ADH6: variants seen among roughly 807,000 people sequenced by gnomAD.
ADH6 encodes alcohol dehydrogenase 6.
Under a neutral mutation model 36.5 loss-of-function variants are expected in ADH6, and 34 were observed. The observed-to-expected ratio is 0.93, with a 90% CI of 0.71 to 1.24. ADH6 has a LOEUF of 1.24. ADH6 is among the 50% of genes most tolerant of loss of function. ADH6 has a pLI of 0.00. For synonymous variants in ADH6, 161 were observed against 155.5 expected, an observed-to-expected ratio of 1.04 and a Z score of -0.26; for missense variants, 440 against 447.0, an observed-to-expected ratio of 0.98 and a Z score of 0.14.
Position 99,204,972 on chromosome 4 carries a change from A to G in ADH6, c.1056T>C (p.Asn352=). 6.2e-7 allele frequency: 1 copy of G among 1,610,026 alleles called. No individual in the cohort carries two copies. Among genetic ancestry groups the G allele is most frequent in the Non-Finnish European group, 8.5e-7 (1 of 1,178,224 alleles). Reference sequence around the variant, plus strand: ...CAACTGCTTCATTGATTTTATCAAGATTCAGAGTATGAGTAATTAGTGGAT... The same window carrying G: ...CAACTGCTTCATTGATTTTATCAAGGTTCAGAGTATGAGTAATTAGTGGAT... The part of the protein sequence containing the change: ...NLDPLITHTL[N]LDKINEAVEL... Residue 352 remains asparagine (N), a synonymous_variant, in exon 8 of 9, where the codon AAT becomes AAC. Transcript: ENST00000394899.
intron 1 of ADH6, 73 bp downstream of exon 1, chr4:99,219,062 A>AGATGTTGGTAAAGG: frequency 6.9e-7 from 1 of 1,444,320 alleles, no homozygotes; most frequent in African/African-American, 1.4e-5. Flanking sequence ...CTGGGTGATG[A>AGATGTTGGTAAAGG]GATGTTGGTA....
intron 1 of ADH6, among the ~76,000 whole-genome samples, chr4:99,218,168 A>G (rs916088019): frequency 6.6e-6 from 1 of 152,206 alleles, no homozygotes; most frequent in Non-Finnish European, 1.5e-5. Flanking sequence ...TTAAAACATG[A>G]ACATATCATT....
chr4:99,208,630 A>G, intron 6 of ADH6, 38 bp downstream of exon 6: 2 of 1,574,718 alleles, frequency 1.3e-6, no homozygotes, highest in African/African-American at 1.4e-5. Flanking sequence ...GATGACTGGT[A>G]AAAGTATTGG....
intron 6 of ADH6, 106 bp downstream of exon 6, chr4:99,208,562 A>C: frequency 7.5e-7 from 1 of 1,341,730 alleles, no homozygotes; most frequent in Admixed American, 2.3e-5. Context: ...ACACAAGGAA[A>C]ATTAAATAGA....
chr4:99,204,919 GTTTACCA>G lies in ADH6; in HGVS notation c.1102_1103+5del. 2 of 1,603,492 alleles carry G rather than the reference GTTTACCA, an allele frequency of 1.2e-6. No homozygotes were observed. The highest frequency in any genetic ancestry group is 8.5e-7 in the Non-Finnish European group (1 of 1,175,202). On this transcript the variant is annotated splice_donor_variant and splice_donor_5th_base_variant and coding_sequence_variant and intron_variant, in exon 8 of 9. Transcript: ENST00000394899. LOFTEE classifies it high-confidence loss of function. The stretch of plus-strand genomic sequence containing the variant: ...CACAGACATAAAATTTATGTGGGCA[GTTTACCA>G]TTTTCCAGTTTTCATTAATTCAACT...
At chr4:99,208,083 T>A (rs1200060948) in intron 6 of ADH6, among the ~76,000 whole-genome samples, 2 of 152,122 alleles carry the variant, frequency 1.3e-5, no homozygotes, top group Non-Finnish European at 2.9e-5. Flanking sequence ...TGGTGAATCA[T>A]GAAAAGATTT....
chr4:99,215,972 C>A, intron 2 of ADH6, 189 bp downstream of exon 2: 1 of 382,898 alleles, frequency 2.6e-6, no homozygotes, highest in Non-Finnish European at 4.6e-6. Context: ...CTATGCTTTA[C>A]CTCCCTAACC....
intron 1 of ADH6, among the ~76,000 whole-genome samples, chr4:99,217,832 G>A (rs1731504640): frequency 6.6e-6 from 1 of 152,148 alleles, no homozygotes; most frequent in East Asian, 1.9e-4. Context: ...GGAGTTATTT[G>A]TGATCCTAAG....
At chr4:99,208,072 A>G (rs1731099532) in intron 6 of ADH6, among the ~76,000 whole-genome samples, 2 of 152,120 alleles carry the variant, frequency 1.3e-5, no homozygotes, top group African/African-American at 4.8e-5. Flanking sequence ...GAATTTATGT[A>G]TGGTGAATCA....
intron 8 of ADH6, chr4:99,204,547 C>A (rs1050936219): frequency 1.6e-5 from 19 of 1,221,086 alleles, no homozygotes; most frequent in Non-Finnish European, 1.6e-5. Context: ...TTCCTCTTCT[C>A]CCCCAAAGTA....
intron 2 of ADH6, 48 bp from the exon 3 acceptor site, chr4:99,213,795 G>A (rs1378716658): frequency 2.0e-6 from 3 of 1,487,466 alleles, no homozygotes; most frequent in Admixed American, 4.5e-5. Flanking sequence ...TTCAGATAAT[G>A]GTGTTTTAGA....
intron 2 of ADH6, 72 bp downstream of exon 2, chr4:99,216,089 A>G: frequency 1.3e-6 from 1 of 757,484 alleles, no homozygotes; most frequent in South Asian, 2.5e-5. Flanking sequence ...CCGGATAAGA[A>G]TATGTAACTT....
Position 99,219,123 on chromosome 4 carries a change from G to T in ADH6, c.18+12C>A. 1 of 1,610,086 alleles carries T rather than the reference G, an allele frequency of 6.2e-7. No individual in the cohort carries two copies. The highest frequency in any genetic ancestry group is 8.5e-7 in the Non-Finnish European group (1 of 1,176,504). On this transcript the variant is annotated intron_variant, in intron 1 of 8. Transcript: ENST00000394899. Reference sequence around the variant, plus strand: ...AGATATGACACAACATAAAGAATAAGACTGCACCTACTTGGCCTGTAGTAC... The same window carrying T: ...AGATATGACACAACATAAAGAATAATACTGCACCTACTTGGCCTGTAGTAC...
chr4:99,215,954 C>T, intron 2 of ADH6: 1 of 344,596 alleles, frequency 2.9e-6, no homozygotes, highest in East Asian at 4.7e-5. Flanking sequence ...ATCCTTTGGG[C>T]AGTTAGCCTA....
chr4:99,215,694 A>G (rs1361362655), intron 2 of ADH6: 3 of 152,504 alleles, frequency 2.0e-5, no homozygotes, highest in Admixed American at 6.5e-5. Context: ...GTGACCAGTC[A>G]CTAAACCGCA....
chr4:99,216,126 T>G, intron 2 of ADH6, 35 bp downstream of exon 2: 3 of 1,336,234 alleles, frequency 2.2e-6, no homozygotes, highest in Non-Finnish European at 3.0e-6. Flanking sequence ...GCTTTTGGCT[T>G]TTGGTGTGAT....
intron 3 of ADH6, among the ~76,000 whole-genome samples, chr4:99,211,008 C>T (rs1229316799): frequency 1.3e-5 from 2 of 152,048 alleles, no homozygotes; most frequent in East Asian, 3.9e-4. Flanking sequence ...TAGTAGTGGT[C>T]AAAGTATCAG....
chr4:99,217,251 T>A (rs1176701438), intron 1 of ADH6, among the ~76,000 whole-genome samples: 5 of 152,232 alleles, frequency 3.3e-5, no homozygotes, highest in African/African-American at 9.6e-5. Context: ...TTAGCCAGGA[T>A]GTTCTTGATC....
intron 3 of ADH6, among the ~76,000 whole-genome samples, chr4:99,211,094 T>C (rs1288939516): frequency 6.6e-6 from 1 of 152,340 alleles, no homozygotes; most frequent in South Asian, 2.1e-4. Context: ...ACCAGAGAAA[T>C]TTGTTTTATA....
Sources: gnomAD v4.1 joint callset for allele counts (sites outside exome capture counted in the v4.1 genomes callset) on GRCh38, gnomAD v4.1.1 for gene constraint, MANE v1.5 for transcripts, NCBI Gene and HGNC (gene_info 2026-07-23, HGNC 2026-07-21) for gene names.